Variants in SRSF7 observed in about 807,000 individuals in gnomAD.
SRSF7 encodes serine and arginine rich splicing factor 7, also known as serine/arginine-rich splicing factor 7.
Under a neutral mutation model 42.2 loss-of-function variants are expected in SRSF7, and 15 were observed. The observed-to-expected ratio is 0.36, with a 90% CI of 0.24 to 0.55. The LOEUF is 0.55. Ranked by LOEUF, SRSF7 falls within the 20% of genes least tolerant of loss-of-function variation. The probability of loss-of-function intolerance (pLI) is 0.88; values close to 1 mark genes in which losing one functional copy is unlikely to be tolerated. For missense variants in SRSF7, 181 were observed against 305.9 expected, an observed-to-expected ratio of 0.59 and a Z score of 3.04; for synonymous variants, 138 against 107.9, an observed-to-expected ratio of 1.28 and a Z score of -1.73.
chr2:38,746,837 TA>T (rs1667492836), intron 5 of SRSF7, 90 bp from the exon 6 acceptor site: 7 of 1,568,146 alleles, frequency 4.5e-6, no homozygotes, highest in Non-Finnish European at 6.0e-6. Context: ...TGGTCAGGCA[TA>T]AAGAAGCTAA....
At chr2:38,750,263 G>A (rs1668086678) in intron 1 of SRSF7, 69 bp from the exon 2 acceptor site, 1 of 1,417,394 alleles carries the variant, frequency 7.1e-7, no homozygotes, top group South Asian at 1.3e-5. Flanking sequence ...TTACTTATTT[G>A]CCTTAAAACG....
intron 3 of SRSF7, chr2:38,748,867 T>A: frequency 7.2e-7 from 1 of 1,383,132 alleles, no homozygotes; most frequent in Non-Finnish European, 9.5e-7. Flanking sequence ...TTACATAATA[T>A]AAAACACTGT....
chr2:38,744,640 ATC>A lies in SRSF7; in HGVS notation c.*491_*492del. The A allele has an allele frequency of 6.5e-6, 1 of 154,626 alleles. No homozygotes were observed. Among genetic ancestry groups the A allele is most frequent in the Non-Finnish European group, 1.4e-5 (1 of 69,604 alleles). The allele number at this position is 154,626 out of a possible 1,614,324, so 9.6% of individuals were successfully genotyped here. A position where few individuals can be genotyped will look rare whatever the true frequency, so the allele number is the denominator to read the frequency against. Reference sequence around the variant, plus strand: ...TTCAAACGGATTAGCTAACTTAAGGATCTGTCATGATGCATTCAGGCTGTATC... The same window carrying A: ...TTCAAACGGATTAGCTAACTTAAGGATGTCATGATGCATTCAGGCTGTATC... On this transcript the variant is annotated 3_prime_UTR_variant, in exon 8 of 8. Coordinates refer to ENST00000313117, the MANE Select transcript of SRSF7 (RefSeq NM_001031684.3).
Position 38,744,982 on chromosome 2 carries a change from T to A in SRSF7, c.*151A>T. The stretch of plus-strand genomic sequence containing the variant: ...TTAATACATTCAACAAAATTTATAT[T>A]ATCTTACTGCTGTGAATTTACATAG... On this transcript the variant is annotated 3_prime_UTR_variant, in exon 8 of 8. Transcript: ENST00000313117. The A allele has an allele frequency of 1.4e-6, 1 of 707,350 alleles. No homozygotes were observed. Among genetic ancestry groups the A allele is most frequent in the East Asian group, 2.7e-5 (1 of 37,558 alleles). The allele number at this position is 707,350 out of a possible 1,614,324, so 43.8% of individuals were successfully genotyped here.
Position 38,745,145 on chromosome 2 carries a change from T to C in SRSF7, c.705A>G (p.Glu235=). 1.9e-6 allele frequency: 3 copies of C among 1,614,204 alleles called. No individual in the cohort carries two copies. The highest frequency in any genetic ancestry group is 1.1e-5 in the South Asian group (1 of 91,084). Reference sequence around the variant, plus strand: ...GAACTTGAGAGCTTCAGTCCATTCTTTCAGGACTTGCACTTCTGCGAGGAC... The same window carrying C: ...GAACTTGAGAGCTTCAGTCCATTCTCTCAGGACTTGCACTTCTGCGAGGAC... The part of the protein sequence containing the change: ...SGSPRRSASP[E]RMD Residue 235 remains glutamate (E), a synonymous_variant, in exon 8 of 8, where the codon GAA becomes GAG. Transcript: ENST00000313117.
intron 5 of SRSF7, 63 bp from the exon 6 acceptor site, chr2:38,746,810 T>A: frequency 6.2e-7 from 1 of 1,603,186 alleles, no homozygotes; most frequent in East Asian, 2.2e-5. Context: ...CCTTAACTAC[T>A]CAACACTGTA....
chr2:38,747,863 C>G (rs528875551), intron 5 of SRSF7, among the ~76,000 whole-genome samples, 184 bp downstream of exon 5: 1 of 152,348 alleles, frequency 6.6e-6, no homozygotes, highest in East Asian at 1.9e-4. Context: ...CTTAAAATCT[C>G]TAGTAGCCCT....
rs1430743431 is a variant in SRSF7, at chr2:38,749,775, T to C, written c.210-70A>G. On this transcript the variant is annotated intron_variant, in intron 2 of 7. Coordinates refer to ENST00000313117, the MANE Select transcript of SRSF7 (RefSeq NM_001031684.3). The stretch of plus-strand genomic sequence containing the variant: ...CAGGACTTATAGATTTAAAAAGAAC[T>C]CTTTCCAACCACTCACTCTTTCCAA... The C allele has an allele frequency of 3.5e-6, 5 of 1,425,878 alleles. No homozygotes were observed. The East Asian group carries it at 1.0e-4, about 29-fold the overall frequency. The allele number at this position is 1,425,878 out of a possible 1,614,324, so 88.3% of individuals were successfully genotyped here. A position where few individuals can be genotyped will look rare whatever the true frequency, so the allele number is the denominator to read the frequency against.
chr2:38,749,192 A>G (rs1213054614), intron 3 of SRSF7: 1 of 1,336,368 alleles, frequency 7.5e-7, no homozygotes, highest in Admixed American at 2.2e-5. Flanking sequence ...AATAAGGTGA[A>G]GCTAGGTGTA....
In SRSF7 at chr2:38,744,933, C is replaced by A; in HGVS notation, c.*200G>T. On this transcript the variant is annotated 3_prime_UTR_variant, in exon 8 of 8. Transcript: ENST00000313117. The stretch of plus-strand genomic sequence containing the variant: ...TTTATTTAAATGTGCCAAATAAAAA[C>A]CCACATTTTCAGACCATATGATGTT... 1 of 476,018 alleles carries A rather than the reference C, an allele frequency of 2.1e-6. No homozygotes were observed. The highest frequency in any genetic ancestry group is 3.3e-5 in the East Asian group (1 of 30,508). The allele number at this position is 476,018 out of a possible 1,614,324, so 29.5% of individuals were successfully genotyped here. A position where few individuals can be genotyped will look rare whatever the true frequency, so the allele number is the denominator to read the frequency against.
chr2:38,748,630 C>T lies in SRSF7; in HGVS notation c.410G>A (p.Arg137Gln). The change falls in exon 4 of 8, where the codon CGA (arginine) becomes CAA (glutamine). Residue 137 changes from arginine (R) to glutamine (Q), a missense_variant. By Grantham distance (43) the Arg-to-Gln change is conservative. Around this residue, in one of 2 missense-constraint regions of SRSF7, gnomAD observed 136 missense variants for 147.8 expected, o/e 0.92. Transcript: ENST00000313117. ...RSRSRSRSHSRSRGRRYSRSR... is the reference protein window; with the variant it reads ...RSRSRSRSHSQSRGRRYSRSR... The stretch of plus-strand genomic sequence containing the variant: ...GCGAGAGTATCGCCTTCCTCTGGAT[C>T]GAGAATGTGATCTAGACCGTGACCT... 1.2e-6 allele frequency: 2 copies of T among 1,614,146 alleles called. No individual in the cohort carries two copies. The highest frequency in any genetic ancestry group is 8.5e-7 in the Non-Finnish European group (1 of 1,180,030).
chr2:38,748,228 G>T, intron 4 of SRSF7, 71 bp from the exon 5 acceptor site: 2 of 1,165,548 alleles, frequency 1.7e-6, no homozygotes, highest in South Asian at 1.3e-5. Context: ...TTCAACTGGG[G>T]AACGGTGCAG....
intron 2 of SRSF7, 46 bp downstream of exon 2, chr2:38,749,968 C>CCA: frequency 6.5e-7 from 1 of 1,550,318 alleles, no homozygotes; most frequent in Non-Finnish European, 8.7e-7. Context: ...CATTATCTAG[C>CCA]CACAGTATAT....
chr2:38,751,334 CACCCGCCAAGA>C lies in SRSF7; in HGVS notation c.-89_-79del. ...TGACGCAAAAGCTGACACACACCTT[CACCCGCCAAGA>C]GTCCCGGCGGCACTACGAGGAAGAG... On this transcript the variant is annotated 5_prime_UTR_variant, in exon 1 of 8. Transcript: ENST00000313117. The C allele has an allele frequency of 1.3e-6, 2 of 1,599,454 alleles. No homozygotes were observed. Among genetic ancestry groups the C allele is most frequent in the Non-Finnish European group, 1.7e-6 (2 of 1,169,922 alleles).
In SRSF7 at chr2:38,745,108, T is replaced by C; in HGVS notation, c.*25A>G. On this transcript the variant is annotated 3_prime_UTR_variant, in exon 8 of 8. Transcript: ENST00000313117. Reference sequence around the variant, plus strand: ...ATAATAATGTAAACAAAATAACTTTTCCCTAAAGGGTGAACTTGAGAGCTT... The same window carrying C: ...ATAATAATGTAAACAAAATAACTTTCCCCTAAAGGGTGAACTTGAGAGCTT... 5.6e-6 allele frequency: 9 copies of C among 1,613,044 alleles called. No individual in the cohort carries two copies. The South Asian group carries it at 7.7e-5, about 14-fold the overall frequency.
At chr2:38,749,863 T>C (rs570075006) in intron 2 of SRSF7, 151 bp downstream of exon 2, 256 of 1,225,486 alleles carry the variant, frequency 2.1e-4, no homozygotes, top group Non-Finnish European at 2.7e-4. Flanking sequence ...ATCTCCGCTA[T>C]CTTCTTTAAC....
Position 38,751,335 on chromosome 2 carries a change from A to G in SRSF7, c.-79T>C. 9.0e-6 allele frequency: 14 copies of G among 1,562,024 alleles called. No individual in the cohort carries two copies. Among genetic ancestry groups the G allele is most frequent in the South Asian group, 3.4e-5 (3 of 87,586 alleles). On this transcript the variant is annotated 5_prime_UTR_variant, in exon 1 of 8. Transcript: ENST00000313117. ...GACGCAAAAGCTGACACACACCTTCACCCGCCAAGAGTCCCGGCGGCACTA... is the reference window on the plus strand; with the variant it reads ...GACGCAAAAGCTGACACACACCTTCGCCCGCCAAGAGTCCCGGCGGCACTA...
In SRSF7 at chr2:38,751,322, G is replaced by A; in HGVS notation, c.-66C>T. On this transcript the variant is annotated 5_prime_UTR_variant, in exon 1 of 8. Coordinates refer to ENST00000313117, the MANE Select transcript of SRSF7 (RefSeq NM_001031684.3). Reference sequence around the variant, plus strand: ...CCAGGGCTCGAGTGACGCAAAAGCTGACACACACCTTCACCCGCCAAGAGT... The same window carrying A: ...CCAGGGCTCGAGTGACGCAAAAGCTAACACACACCTTCACCCGCCAAGAGT... 99 of 1,608,880 alleles carry A rather than the reference G, an allele frequency of 6.2e-5. 1 individual carries two copies. The highest frequency in any genetic ancestry group is 2.4e-4 in the African/African-American group (18 of 74,962).
intron 1 of SRSF7, among the ~76,000 whole-genome samples, chr2:38,750,517 G>C (rs575603447): frequency 1.3e-5 from 2 of 151,526 alleles, no homozygotes; most frequent in African/African-American, 4.8e-5. Context: ...CGGGCGCACC[G>C]GGAGCGCGCG....
Sources: allele counts gnomAD v4.1 joint callset (sites outside exome capture counted in the v4.1 genomes callset), GRCh38; gene constraint gnomAD v4.1.1; regional missense constraint gnomAD v4.1.1; transcripts MANE v1.5; gene names NCBI Gene and HGNC (gene_info 2026-07-23, HGNC 2026-07-21).